Variants in ALG8 observed in about 807,000 individuals in gnomAD.
The protein encoded by ALG8 is dolichyl pyrophosphate Glc1Man9GlcNAc2 alpha-1,3-glucosyltransferase.
Under a neutral mutation model 70.2 loss-of-function variants are expected in ALG8, and 48 were observed. The observed-to-expected ratio is 0.68, with a 90% CI of 0.54 to 0.87. The LOEUF is 0.87. Among genes scored for constraint, ALG8 ranks in the 40% least tolerant of loss-of-function variants. ALG8 has a pLI of 0.00. For missense variants in ALG8, 572 were observed against 608.7 expected (o/e 0.94, Z 0.64); for synonymous variants, 234 against 229.0 (o/e 1.02, Z -0.20).
intron 1 of ALG8, among the ~76,000 whole-genome samples, chr11:78,132,833 ATTTTTTTTTTT>A (rs55934753): frequency 8.8e-6 from 1 of 113,942 alleles, no homozygotes; most frequent in African/African-American, 3.4e-5. Context: ...TTCTTCTTCC[ATTTTTTTTTTT>A]TTTTTTTTTT....
intron 9 of ALG8, among the ~76,000 whole-genome samples, chr11:78,108,572 A>G (rs10899439): frequency 0.44 from 67,634 of 152,196 alleles, 15,152 homozygotes; most frequent in Non-Finnish European, 0.46. Context: ...ACAGAAGTCC[A>G]TAGATGCTTT....
At chr11:78,117,831 T>C (rs1186467581) in intron 5 of ALG8, among the ~76,000 whole-genome samples, 1 of 150,350 alleles carries the variant, frequency 6.7e-6, no homozygotes, top group Non-Finnish European at 1.5e-5. Flanking sequence ...TCCCAGCACT[T>C]TGGGAGGCCG....
At chr11:78,106,678 G>A in intron 10 of ALG8, 129 bp downstream of exon 10, 3 of 1,208,768 alleles carry the variant, frequency 2.5e-6, no homozygotes. Flanking sequence ...CTGTCCTAGT[G>A]GACATCTGTT....
intron 10 of ALG8, among the ~76,000 whole-genome samples, chr11:78,105,819 A>G (rs1420509795): frequency 1.3e-5 from 2 of 151,220 alleles, no homozygotes; most frequent in Non-Finnish European, 2.9e-5. Flanking sequence ...AAGGATCTTC[A>G]TGCCTCAGCC....
At chr11:78,123,340 A>G (rs1860915079) in intron 3 of ALG8, among the ~76,000 whole-genome samples, 1 of 148,498 alleles carries the variant, frequency 6.7e-6, no homozygotes, top group South Asian at 2.1e-4. Flanking sequence ...AAAAAAAGAA[A>G]AAAAAGAATT....
rs191132458 is a variant in ALG8 at position 78,125,512 on chromosome 11, T to C, written c.175-1298A>G. 7.0e-3 allele frequency among the ~76,000 whole-genome samples: 1,040 copies of C among 148,812 alleles called. 8 individuals carry two copies. The highest frequency in any genetic ancestry group is 0.025 in the African/African-American group (1,003 of 40,496). Reference sequence around the variant, plus strand: ...CGGGCATAGTGGCTCACACCTGTAATCCCAGCACTTTGGAAGGCCGAGGCA... The same window carrying C: ...CGGGCATAGTGGCTCACACCTGTAACCCCAGCACTTTGGAAGGCCGAGGCA... On this transcript the variant is annotated intron_variant, in intron 2 of 12. Coordinates refer to ENST00000299626, the MANE Select transcript of ALG8 (RefSeq NM_024079.5).
intron 1 of ALG8, among the ~76,000 whole-genome samples, chr11:78,133,228 C>T (rs1370717566): frequency 6.6e-6 from 1 of 152,174 alleles, no homozygotes; most frequent in African/African-American, 2.4e-5. Flanking sequence ...GAACTACACA[C>T]TTCACAGGGC....
At chr11:78,137,571 C>A (rs1018209656) in intron 1 of ALG8, 2 of 152,312 alleles carry the variant, frequency 1.3e-5, no homozygotes, top group Non-Finnish European at 2.9e-5. Flanking sequence ...CTTCCTCTCA[C>A]TTGAACACTT....
chr11:78,114,763 C>T (rs1317697907), intron 5 of ALG8: 1 of 432,592 alleles, frequency 2.3e-6, no homozygotes, highest in Middle Eastern at 3.7e-4. Flanking sequence ...CCCAGGAGTT[C>T]AAGACCAGCC....
At chr11:78,102,591 C>T (rs1182483786) in intron 12 of ALG8, among the ~76,000 whole-genome samples, 1 of 152,164 alleles carries the variant, frequency 6.6e-6, no homozygotes, top group Non-Finnish European at 1.5e-5. Flanking sequence ...ATGGCTATAA[C>T]TGCATTTTAA....
At chr11:78,126,148 G>C (rs1411081118) in intron 2 of ALG8, among the ~76,000 whole-genome samples, 1 of 151,322 alleles carries the variant, frequency 6.6e-6, no homozygotes, top group Non-Finnish European at 1.5e-5. Flanking sequence ...AACAGAGCGA[G>C]ACTCCGTCTC....
At chr11:78,133,998 C>T (rs778742340) in intron 1 of ALG8, among the ~76,000 whole-genome samples, 37 of 152,118 alleles carry the variant, frequency 2.4e-4, no homozygotes, top group Non-Finnish European at 4.0e-4. Flanking sequence ...AATACTTTAT[C>T]GCTAAAACAA....
At chr11:78,134,148 T>G (rs972943768) in intron 1 of ALG8, among the ~76,000 whole-genome samples, 1 of 151,672 alleles carries the variant, frequency 6.6e-6, no homozygotes, top group Non-Finnish European at 1.5e-5. Flanking sequence ...GGTTTTTTTT[T>G]TTTTTTGAGA....
intron 1 of ALG8, among the ~76,000 whole-genome samples, chr11:78,134,402 C>A (rs140736982): frequency 0.019 from 2,954 of 152,204 alleles, 35 homozygotes; most frequent in Non-Finnish European, 0.029. Flanking sequence ...CCTCCCAAAA[C>A]GCTGGGATTA....
intron 8 of ALG8, among the ~76,000 whole-genome samples, chr11:78,110,845 T>A (rs1328999045): frequency 6.6e-6 from 1 of 152,176 alleles, no homozygotes; most frequent in Non-Finnish European, 1.5e-5. Context: ...TTACAGCTAA[T>A]AACTATCTCC....
chr11:78,104,163 T>C, intron 11 of ALG8, 111 bp from the exon 12 acceptor site: 1 of 917,462 alleles, frequency 1.1e-6, no homozygotes, highest in Non-Finnish European at 1.6e-6. Context: ...ATAATACTTT[T>C]TAAGTTTAAT....
At chr11:78,135,612 C>T (rs1325724896) in intron 1 of ALG8, among the ~76,000 whole-genome samples, 1 of 152,040 alleles carries the variant, frequency 6.6e-6, no homozygotes, top group African/African-American at 2.4e-5. Context: ...CTTTGGGAGG[C>T]CAAAGAGAGC....
intron 5 of ALG8, among the ~76,000 whole-genome samples, chr11:78,117,670 C>T (rs1860637022): frequency 6.6e-6 from 1 of 151,280 alleles, no homozygotes; most frequent in African/African-American, 2.4e-5. Context: ...TCTAGCGACT[C>T]AGGAGGCTGA....
At chr11:78,120,593 A>G (rs555217552) in intron 4 of ALG8, among the ~76,000 whole-genome samples, 2 of 152,290 alleles carry the variant, frequency 1.3e-5, no homozygotes, top group South Asian at 4.1e-4. Flanking sequence ...AACTGCAACT[A>G]TTAGTTTCCA....
Sources: gnomAD v4.1 joint callset for allele counts (sites outside exome capture counted in the v4.1 genomes callset) on GRCh38, gnomAD v4.1.1 for gene constraint, MANE v1.5 for transcripts, NCBI Gene and HGNC (gene_info 2026-07-23, HGNC 2026-07-21) for gene names.